HMGCLL1: variants seen among roughly 807,000 people sequenced by gnomAD.
HMGCLL1 encodes the protein 3-hydroxy-3-methylglutaryl-CoA lyase like 1.
A neutral mutation model predicts 39.1 loss-of-function variants in HMGCLL1; 36 were observed. The ratio of observed to expected loss-of-function variants is 0.92; its 90% CI spans 0.71 to 1.22. The LOEUF is 1.22. HMGCLL1 is among the 50% of genes most tolerant of loss of function. The pLI, the probability that HMGCLL1 is intolerant of heterozygous loss-of-function variation, is 0.00. For missense variants in HMGCLL1, 451 were observed against 416.5 expected, an observed-to-expected ratio of 1.08 and a Z score of -0.72; for synonymous variants, 149 against 144.0, an observed-to-expected ratio of 1.03 and a Z score of -0.25.
At chr6:55,558,544 A>T (rs1053379694) in intron 1 of HMGCLL1, among the ~76,000 whole-genome samples, 1 of 152,174 alleles carries the variant, frequency 6.6e-6, no homozygotes, top group African/African-American at 2.4e-5. Flanking sequence ...CTCTATCAGA[A>T]TCCATAGCTT....
the HMGCLL1 span, among the ~76,000 whole-genome samples, chr6:55,673,778 C>T: frequency 6.6e-6 from 1 of 152,018 alleles, no homozygotes; most frequent in Admixed American, 6.6e-5. Flanking sequence ...GTGTCAGATA[C>T]TTTACAAAGT....
At chr6:55,597,469 C>G in the HMGCLL1 span, among the ~76,000 whole-genome samples, 1 of 146,932 alleles carries the variant, frequency 6.8e-6, no homozygotes, top group Admixed American at 6.8e-5. Context: ...AAAAAGGATA[C>G]AGAAGTTGAT....
At position 55,478,779 on chromosome 6, in the gene HMGCLL1, T is replaced by C. The variant is rs560374283; in HGVS notation, c.795+16640A>G. Among the ~76,000 whole-genome samples, 16 of 151,528 alleles carry C rather than the reference T, an allele frequency of 1.1e-4. No homozygotes were observed. In the South Asian group the frequency reaches 2.9e-3, roughly 27 times the overall value. ...GCATTTGTAGTGGACAGCTTGTTGA[T>C]CTAATTACCAAACTAATTTTTATTT... On this transcript the variant is annotated intron_variant, in intron 7 of 8. Transcript: ENST00000274901.
At chr6:55,660,744 T>G in the HMGCLL1 span, among the ~76,000 whole-genome samples, 1 of 151,838 alleles carries the variant, frequency 6.6e-6, no homozygotes, top group Non-Finnish European at 1.5e-5. Flanking sequence ...GTAATGGGAT[T>G]GGGCAGGAAA....
intron 7 of HMGCLL1, among the ~76,000 whole-genome samples, chr6:55,470,841 G>C (rs1198961105): frequency 6.6e-6 from 1 of 151,582 alleles, no homozygotes; most frequent in African/African-American, 2.4e-5. Flanking sequence ...AGCATGAAGA[G>C]GGAACTGCCA....
At chr6:55,606,914 AAG>A in the HMGCLL1 span, among the ~76,000 whole-genome samples, 4 of 152,088 alleles carry the variant, frequency 2.6e-5, no homozygotes, top group African/African-American at 9.7e-5. Context: ...GAGAGAGAGA[AAG>A]AGAGAGAGGA....
At chr6:55,519,844 TA>T (rs1226706797) in intron 3 of HMGCLL1, among the ~76,000 whole-genome samples, 1 of 151,944 alleles carries the variant, frequency 6.6e-6, no homozygotes, top group Non-Finnish European at 1.5e-5. Context: ...AATGGGCAAA[TA>T]AACAAATTTT....
the HMGCLL1 span, among the ~76,000 whole-genome samples, chr6:55,645,822 A>G: frequency 1.3e-5 from 2 of 151,834 alleles, no homozygotes; most frequent in Non-Finnish European, 2.9e-5. Flanking sequence ...GGATTTTTGC[A>G]TCAATATTTA....
At chr6:55,505,804 TA>T (rs142200582) in intron 5 of HMGCLL1, among the ~76,000 whole-genome samples, 2,179 of 151,850 alleles carry the variant, frequency 0.014, 31 homozygotes, top group Non-Finnish European at 0.024. Context: ...CTGATGAAAC[TA>T]AAAAGTAAAT....
the HMGCLL1 span, among the ~76,000 whole-genome samples, chr6:55,629,140 T>C: frequency 2.6e-5 from 4 of 152,242 alleles, no homozygotes; most frequent in East Asian, 7.7e-4. Context: ...GTTTGAAACT[T>C]CCTAGCAACT....
At chr6:55,502,625 T>A (rs1029929903) in intron 5 of HMGCLL1, among the ~76,000 whole-genome samples, 2 of 151,748 alleles carry the variant, frequency 1.3e-5, no homozygotes, top group Admixed American at 6.6e-5. Flanking sequence ...AATTAATTCA[T>A]TCACTTTTGT....
At chr6:55,581,320 G>T (rs1312613479), upstream of HMGCLL1, among the ~76,000 whole-genome samples, 1 of 151,912 alleles carries the variant, frequency 6.6e-6, no homozygotes, top group Admixed American at 6.6e-5. Context: ...AAAAGTATTT[G>T]TTTTTTATTT....
chr6:55,448,170 G>T (rs559146148), intron 7 of HMGCLL1, among the ~76,000 whole-genome samples: 1 of 151,984 alleles, frequency 6.6e-6, no homozygotes, highest in Admixed American at 6.6e-5. Flanking sequence ...GATGTTCAAG[G>T]ATGAATATTT....
Position 55,477,448 on chromosome 6 carries a change from A to T in HMGCLL1, c.795+17971T>A, listed in dbSNP as rs1273820547. Among the ~76,000 whole-genome samples the T allele has an allele frequency of 1.4e-4, 8 of 56,186 alleles. 1 individual carries two copies. Among genetic ancestry groups the T allele is most frequent in the African/African-American group, 2.8e-4 (4 of 14,070 alleles). 36.9% of individuals were successfully genotyped at this position (56,186 alleles called of 152,430 possible). ...AATATATATTATATATTATATATAT[A>T]ATATATTACATATAATATATAATAT... On this transcript the variant is annotated intron_variant, in intron 7 of 8. Coordinates refer to ENST00000274901, the MANE Select transcript of HMGCLL1 (RefSeq NM_001042406.2).
chr6:55,650,133 A>ATATATATATATATATATATATAT, the HMGCLL1 span, among the ~76,000 whole-genome samples: 1 of 67,260 alleles, frequency 1.5e-5, no homozygotes, highest in African/African-American at 6.4e-5. Flanking sequence ...ATATATATAT[A>ATATATATATATATATATATATAT]TACACACACA....
chr6:55,484,272 G>A (rs971927433), intron 7 of HMGCLL1, among the ~76,000 whole-genome samples: 2 of 151,204 alleles, frequency 1.3e-5, no homozygotes, highest in Non-Finnish European at 2.9e-5. Context: ...GAGACTCTAG[G>A]GCTCAAGACT....
chr6:55,514,016 A>G (rs1349314688), intron 5 of HMGCLL1, 32 bp downstream of exon 5: 3 of 1,598,900 alleles, frequency 1.9e-6, no homozygotes, highest in Admixed American at 3.5e-5. Context: ...ATAAACATTA[A>G]CAAAACAGAA....
At chr6:55,474,290 TCAGA>T (rs969845999) in intron 7 of HMGCLL1, among the ~76,000 whole-genome samples, 6 of 151,612 alleles carry the variant, frequency 4.0e-5, no homozygotes, top group African/African-American at 4.8e-5. Flanking sequence ...GTAATAGTTC[TCAGA>T]CAATCTGTTA....
At chr6:55,602,451 A>G in the HMGCLL1 span, among the ~76,000 whole-genome samples, 1 of 151,954 alleles carries the variant, frequency 6.6e-6, no homozygotes, top group African/African-American at 2.4e-5. Flanking sequence ...ATTTTCTTCT[A>G]TGATTAGACA....
Sources: gnomAD v4.1 joint callset for allele counts (sites outside exome capture counted in the v4.1 genomes callset) on GRCh38, gnomAD v4.1.1 for gene constraint, MANE v1.5 for transcripts, NCBI Gene and HGNC (gene_info 2026-07-23, HGNC 2026-07-21) for gene names.